The following PODN variants were observed in gnomAD, a reference collection of about 807,000 sequenced individuals.
PODN encodes podocan proteoglycan.
PODN carries 40 observed loss-of-function variants against 52.7 expected under a neutral mutation model. That is an observed-to-expected ratio of 0.76 (90% CI 0.59 to 0.99). PODN has a LOEUF of 0.99. Ranked by LOEUF, PODN falls within the 50% of genes least tolerant of loss-of-function variation. PODN has a pLI of 0.00. For synonymous variants in PODN, 396 were observed against 377.9 expected, an observed-to-expected ratio of 1.05 and a Z score of -0.56; for missense variants, 720 against 815.1, an observed-to-expected ratio of 0.88 and a Z score of 1.42.
chr1:53,083,163 G>A (rs1374080464), intron 10 of PODN, among the ~76,000 whole-genome samples: 2 of 152,334 alleles, frequency 1.3e-5, no homozygotes, highest in East Asian at 3.9e-4. Context: ...GTGGGTCCAG[G>A]CACTGCAGAC....
chr1:53,078,739 A>G lies in PODN; in HGVS notation c.1229A>G (p.Asn410Ser), dbSNP rs751062262. The G allele has an allele frequency of 6.2e-7, 1 of 1,613,462 alleles. No individual in the cohort carries two copies. Among genetic ancestry groups the G allele is most frequent in the Admixed American group, 1.7e-5 (1 of 60,028 alleles). ...ACCACCTACTTCCTGGAGGAGCTCA[A>G]CCTCAGCTACAACCGCATCACCAGC... ...FATTYFLEEL[N>S]LSYNRITSPQ... Residue 410 changes from asparagine to serine, a missense_variant, in exon 8 of 11, where the codon AAC becomes AGC. Coordinates refer to ENST00000312553, the MANE Select transcript of PODN (RefSeq NM_153703.5).
chr1:53,064,432 C>T (rs1368629036), intron 1 of PODN, among the ~76,000 whole-genome samples: 3 of 152,354 alleles, frequency 2.0e-5, no homozygotes, highest in Non-Finnish European at 2.9e-5. Context: ...AATAGAAAGA[C>T]GAACATGTAG....
In PODN at chr1:53,077,745, C is replaced by T; in HGVS notation, c.799C>T (p.Leu267=). ...CAGCGAGCTGAGCAGCCTGCGCGAG[C>T]TATACCTGCAGAACAACTACCTGAC... ...AFSELSSLRE[L]YLQNNYLTDE... The change falls in exon 7 of 11, where the codon CTA becomes TTA. Residue 267 remains leucine, a synonymous_variant. Transcript: ENST00000312553. The T allele has an allele frequency of 6.2e-7, 1 of 1,613,800 alleles. No individual in the cohort carries two copies. The highest frequency in any genetic ancestry group is 8.5e-7 in the Non-Finnish European group (1 of 1,179,988).
chr1:53,074,515 C>T (rs540697377), intron 3 of PODN, 91 bp from the exon 4 acceptor site: 11 of 1,415,042 alleles, frequency 7.8e-6, no homozygotes, highest in Non-Finnish European at 1.1e-5. Context: ...CTAGTCCTGG[C>T]AGGCGGGTGG....
At position 53,071,325 on chromosome 1, in the gene PODN, C is replaced by A. The variant is rs1323745691; in HGVS notation, c.313-210C>A. 16 of 554,688 alleles carry A rather than the reference C, an allele frequency of 2.9e-5. No homozygotes were observed. In the South Asian group the frequency reaches 3.9e-4, roughly 13 times the overall value. The allele number at this position is 554,688 out of a possible 1,614,324, so 34.4% of individuals were successfully genotyped here. A position where few individuals can be genotyped will look rare whatever the true frequency, so the allele number is the denominator to read the frequency against. ...GGGCTCCCTGAAGGCAGGACCCACACTCCTGTTGTGATCACTGCTGTGCCC... is the reference window on the plus strand; with the variant it reads ...GGGCTCCCTGAAGGCAGGACCCACAATCCTGTTGTGATCACTGCTGTGCCC... On this transcript the variant is annotated intron_variant, in intron 2 of 10. Coordinates refer to ENST00000312553, the MANE Select transcript of PODN (RefSeq NM_153703.5).
At chr1:53,064,647 C>G (rs1251664858) in intron 1 of PODN, among the ~76,000 whole-genome samples, 1 of 152,100 alleles carries the variant, frequency 6.6e-6, no homozygotes, top group Admixed American at 6.5e-5. Flanking sequence ...GGTTTGGTTC[C>G]CTGGTAGTGG....
chr1:53,081,083 A>C (rs572412571), intron 9 of PODN, among the ~76,000 whole-genome samples: 1 of 152,364 alleles, frequency 6.6e-6, no homozygotes, highest in Admixed American at 6.5e-5. Context: ...GCCAGTGCGC[A>C]TGGGCGTTGT....
At chr1:53,076,008 C>A (rs1644189647) in intron 5 of PODN, 37 bp downstream of exon 5, 1 of 1,481,940 alleles carries the variant, frequency 6.7e-7, no homozygotes, top group Non-Finnish European at 9.2e-7. Context: ...CGGGCTGGGG[C>A]AAGGGGAGGG....
At chr1:53,079,696 G>C (rs1380296378) in intron 8 of PODN, among the ~76,000 whole-genome samples, 1 of 152,172 alleles carries the variant, frequency 6.6e-6, no homozygotes, top group African/African-American at 2.4e-5. Context: ...CTCAACCAGT[G>C]TGGGTGAAAG....
chr1:53,068,260 A>G (rs909452910), intron 1 of PODN, among the ~76,000 whole-genome samples: 2 of 152,200 alleles, frequency 1.3e-5, no homozygotes, highest in African/African-American at 2.4e-5. Flanking sequence ...CCAGTCATTA[A>G]CATCATTGTC....
At chr1:53,066,711 G>C in intron 1 of PODN, 1 of 1,086,862 alleles carries the variant, frequency 9.2e-7, no homozygotes, top group Non-Finnish European at 1.3e-6. Context: ...TTCACTGGCT[G>C]ACCCCATTGG....
intron 4 of PODN, 32 bp from the exon 5 acceptor site, chr1:53,075,830 T>C: frequency 6.5e-7 from 1 of 1,549,186 alleles, no homozygotes; most frequent in Non-Finnish European, 8.8e-7. Context: ...GCTCCTCCAT[T>C]GCTCTTTCGG....
intron 10 of PODN, among the ~76,000 whole-genome samples, 200 bp downstream of exon 10, chr1:53,082,388 A>T (rs971027980): frequency 6.6e-6 from 1 of 152,164 alleles, no homozygotes; most frequent in Admixed American, 6.5e-5. Context: ...CACCTTCCAG[A>T]AGATTCTCAC....
chr1:53,070,951 T>C (rs1644108336), intron 2 of PODN: 1 of 152,842 alleles, frequency 6.5e-6, no homozygotes, highest in African/African-American at 2.4e-5. Flanking sequence ...GGGCTGGGCA[T>C]GGAGGCAGGG....
chr1:53,067,021 G>T (rs1251155082), intron 1 of PODN, among the ~76,000 whole-genome samples: 1 of 152,178 alleles, frequency 6.6e-6, no homozygotes. Flanking sequence ...AGTGGCTAAT[G>T]GCTGTTGAGC....
chr1:53,079,219 G>A (rs1644248674), intron 8 of PODN, among the ~76,000 whole-genome samples, 197 bp downstream of exon 8: 1 of 152,242 alleles, frequency 6.6e-6, no homozygotes. Context: ...CTTAGGGGAG[G>A]CAGGAGGTGG....
At chr1:53,076,005 G>A (rs1354851226) in intron 5 of PODN, 34 bp downstream of exon 5, 2 of 1,513,190 alleles carry the variant, frequency 1.3e-6, no homozygotes, top group African/African-American at 2.8e-5. Context: ...GCTCGGGCTG[G>A]GGCAAGGGGA....
chr1:53,078,340 C>T (rs551163174), intron 7 of PODN, 25 bp from the exon 8 acceptor site: 17 of 1,587,106 alleles, frequency 1.1e-5, no homozygotes, highest in Middle Eastern at 1.7e-4. Flanking sequence ...TCTTGCCAAC[C>T]GTCCTAATTC....
rs748674916 is a variant in PODN at position 53,070,049 on chromosome 1, C to T, written c.194C>T (p.Ala65Val). The T allele has an allele frequency of 1.5e-5, 24 of 1,612,854 alleles. No homozygotes were observed. The highest frequency in any genetic ancestry group is 8.0e-5 in the African/African-American group (6 of 74,922). The change falls in exon 2 of 11, where the codon GCG becomes GTG. Residue 65 changes from alanine to valine, a missense_variant. Ala to Val is a moderately conservative substitution (Grantham distance 64). Transcript: ENST00000312553. ...SPEEPGPGPA[A>V]VSCPRDCACS... ...GAGGAGCCCGGGCCTGGCCCAGCCGCGGTCAGCTGCCCCCGAGACTGTGCC... is the reference window on the plus strand; with the variant it reads ...GAGGAGCCCGGGCCTGGCCCAGCCGTGGTCAGCTGCCCCCGAGACTGTGCC...
Sources: allele counts gnomAD v4.1 joint callset (sites outside exome capture counted in the v4.1 genomes callset), GRCh38; gene constraint gnomAD v4.1.1; transcripts MANE v1.5; gene names NCBI Gene and HGNC (gene_info 2026-07-23, HGNC 2026-07-21).